UNC13C: variants seen among roughly 807,000 people sequenced by gnomAD.
The protein encoded by UNC13C is protein unc-13 homolog C.
In UNC13C, 174 loss-of-function variants were observed where a neutral mutation model predicts 245.4. The observed-to-expected ratio is 0.71, with a 90% confidence interval of 0.63 to 0.80. The LOEUF is 0.80. Ranked by LOEUF, UNC13C falls within the 30% of genes least tolerant of loss-of-function variation. The probability of loss-of-function intolerance (pLI) is 0.00; values close to 1 mark genes in which losing one functional copy is unlikely to be tolerated. For synonymous variants in UNC13C, 992 were observed against 895.1 expected (o/e 1.11, Z -1.93); for missense variants, 2,829 against 2,602.9 (o/e 1.09, Z -1.89).
chr15:54,591,215 T>C (rs1190773883), intron 30 of UNC13C, among the ~76,000 whole-genome samples: 1 of 152,222 alleles, frequency 6.6e-6, no homozygotes, highest in Non-Finnish European at 1.5e-5. Context: ...TTAAGGATTT[T>C]AGCATGTATA....
chr15:54,625,426 A>G (rs908607463), intron 32 of UNC13C, among the ~76,000 whole-genome samples: 1 of 152,162 alleles, frequency 6.6e-6, no homozygotes, highest in Non-Finnish European at 1.5e-5. Context: ...AGTTTTTGGC[A>G]TGAGGAGTTG....
chr15:54,388,384 A>G (rs1360389089), intron 17 of UNC13C, among the ~76,000 whole-genome samples: 1 of 152,140 alleles, frequency 6.6e-6, no homozygotes, highest in Admixed American at 6.6e-5. Flanking sequence ...TAGTGTCACT[A>G]CAAGTTCAGA....
intron 4 of UNC13C, among the ~76,000 whole-genome samples, chr15:54,188,463 A>G (rs961020810): frequency 6.6e-6 from 1 of 152,180 alleles, no homozygotes; most frequent in Non-Finnish European, 1.5e-5. Context: ...AGATTTTATG[A>G]TAATGATAAT....
chr15:53,931,689 C>T, the UNC13C span, among the ~76,000 whole-genome samples: 2 of 152,044 alleles, frequency 1.3e-5, no homozygotes, highest in African/African-American at 4.8e-5. Flanking sequence ...CCAAGGTATA[C>T]ACTTGGGTAA....
chr15:54,491,769 G>A (rs1019174157), intron 19 of UNC13C, among the ~76,000 whole-genome samples: 6 of 152,070 alleles, frequency 3.9e-5, no homozygotes, highest in African/African-American at 1.4e-4. Flanking sequence ...TTGGGAGGCC[G>A]AGGCGGGGGG....
intron 2 of UNC13C, among the ~76,000 whole-genome samples, chr15:54,059,707 C>T (rs1314705226): frequency 6.6e-6 from 1 of 152,200 alleles, no homozygotes; most frequent in Non-Finnish European, 1.5e-5. Context: ...CGTTACCTGA[C>T]TTCAAACTAT....
chr15:53,926,130 T>TC, the UNC13C span, among the ~76,000 whole-genome samples: 1 of 152,094 alleles, frequency 6.6e-6, no homozygotes, highest in Non-Finnish European at 1.5e-5. Context: ...GTTTTTTTTT[T>TC]CAATGGGGTT....
intron 2 of UNC13C, among the ~76,000 whole-genome samples, chr15:54,040,350 C>T (rs560842473): frequency 3.6e-4 from 55 of 152,228 alleles, no homozygotes; most frequent in African/African-American, 1.2e-3. Flanking sequence ...GAACCCTGAC[C>T]TTGCTACTTA....
intron 19 of UNC13C, among the ~76,000 whole-genome samples, chr15:54,444,906 G>A (rs1170196845): frequency 3.3e-5 from 5 of 151,688 alleles, no homozygotes; most frequent in African/African-American, 1.2e-4. Flanking sequence ...GTGTTGGTGT[G>A]CTGCACTCAT....
intron 2 of UNC13C, among the ~76,000 whole-genome samples, chr15:54,088,025 A>G (rs1463505800): frequency 6.6e-6 from 1 of 151,944 alleles, no homozygotes; most frequent in African/African-American, 2.4e-5. Flanking sequence ...AATGCCTACA[A>G]GTAACACCTA....
intron 20 of UNC13C, among the ~76,000 whole-genome samples, chr15:54,496,225 C>T (rs986118814): frequency 1.3e-5 from 2 of 151,734 alleles, no homozygotes; most frequent in African/African-American, 2.4e-5. Context: ...AAAATAAATA[C>T]AATAAAATTA....
intron 7 of UNC13C, among the ~76,000 whole-genome samples, chr15:54,240,818 C>T (rs74013519): frequency 0.22 from 33,075 of 152,164 alleles, 5,683 homozygotes; most frequent in African/African-American, 0.47. Flanking sequence ...TAGCACTCCG[C>T]TATCCATCTC....
At chr15:54,520,151 A>G (rs1596507631) in intron 24 of UNC13C, among the ~76,000 whole-genome samples, 1 of 151,816 alleles carries the variant, frequency 6.6e-6, no homozygotes, top group South Asian at 2.1e-4. Context: ...TGTGTAGATG[A>G]TTACAGTAGG....
At chr15:54,145,825 C>T (rs1036625687) in intron 4 of UNC13C, among the ~76,000 whole-genome samples, 7 of 152,202 alleles carry the variant, frequency 4.6e-5, no homozygotes, top group African/African-American at 7.2e-5. Flanking sequence ...TGAATATGGA[C>T]GTGATCCTTG....
At chr15:54,377,183 A>G (rs576207548) in intron 17 of UNC13C, among the ~76,000 whole-genome samples, 1 of 152,230 alleles carries the variant, frequency 6.6e-6, no homozygotes, top group Non-Finnish European at 1.5e-5. Flanking sequence ...TCCTCACAGC[A>G]TAATGGCTGT....
the UNC13C span, among the ~76,000 whole-genome samples, chr15:53,943,885 A>T: frequency 1.3e-5 from 2 of 151,196 alleles, no homozygotes; most frequent in African/African-American, 4.9e-5. Flanking sequence ...GTATCTGGTA[A>T]TTTTTTTTTC....
intron 7 of UNC13C, 47 bp downstream of exon 7, chr15:54,237,737 A>G (rs746802627): frequency 7.0e-7 from 1 of 1,434,504 alleles, no homozygotes; most frequent in Non-Finnish European, 9.7e-7. Flanking sequence ...TATTGCTCAT[A>G]ATCACAAGGG....
At chr15:54,077,948 G>A (rs1005809133) in intron 2 of UNC13C, among the ~76,000 whole-genome samples, 12 of 152,098 alleles carry the variant, frequency 7.9e-5, no homozygotes, top group African/African-American at 2.4e-4. Context: ...TACCTAATAC[G>A]TAGTTTTTCA....
intron 19 of UNC13C, among the ~76,000 whole-genome samples, chr15:54,481,546 T>C (rs1567314540): frequency 6.6e-6 from 1 of 152,078 alleles, no homozygotes; most frequent in Admixed American, 6.6e-5. Flanking sequence ...GGATGATACA[T>C]GCAAGTACTG....
Sources: gnomAD v4.1 joint callset for allele counts (sites outside exome capture counted in the v4.1 genomes callset) on GRCh38, gnomAD v4.1.1 for gene constraint, MANE v1.5 for transcripts, NCBI Gene and HGNC (gene_info 2026-07-23, HGNC 2026-07-21) for gene names.